UBA2: variants seen among roughly 807,000 people sequenced by gnomAD.
The protein encoded by UBA2 is ubiquitin like modifier activating enzyme 2, also known as SUMO-activating enzyme subunit 2.
A neutral mutation model predicts 77.2 loss-of-function variants in UBA2; 11 were observed. The observed-to-expected ratio is 0.14, with a 90% CI of 0.09 to 0.24. UBA2 has a LOEUF of 0.24. Among genes scored for constraint, UBA2 ranks in the 10% least tolerant of loss-of-function variants. The pLI, the probability that UBA2 is intolerant of heterozygous loss-of-function variation, is 1.00. For synonymous variants in UBA2, 278 were observed against 276.7 expected, an observed-to-expected ratio of 1.00 and a Z score of -0.05; for missense variants, 487 against 781.7, an observed-to-expected ratio of 0.62 and a Z score of 4.50.
intron 16 of UBA2, among the ~76,000 whole-genome samples, chr19:34,467,984 TTAAG>T (rs1475386501): frequency 6.6e-6 from 1 of 152,212 alleles, no homozygotes; most frequent in East Asian, 1.9e-4. Context: ...CAGGTGCTTG[TTAAG>T]TATGGAATTT....
intron 15 of UBA2, among the ~76,000 whole-genome samples, chr19:34,465,673 G>A (rs2075680234): frequency 1.3e-5 from 2 of 151,324 alleles, no homozygotes; most frequent in South Asian, 4.2e-4. Flanking sequence ...GACTGAATGT[G>A]AGTTATTAGT....
Position 34,434,968 on chromosome 19 carries a change from G to A in UBA2, c.459G>A (p.Lys153=). 6.3e-7 allele frequency: 1 copy of A among 1,588,452 alleles called. No individual in the cohort carries two copies. Among genetic ancestry groups the A allele is most frequent in the Non-Finnish European group, 8.6e-7 (1 of 1,167,972 alleles). Residue 153 remains lysine, a splice_region_variant and synonymous_variant, in exon 5 of 17, where the codon AAG becomes AAA. Transcript: ENST00000246548. ...GYLGQVTTIK[K]GVTECYECHP... ...TTGGACAAGTAACTACTATCAAAAAGGTAAAGAAAAGTTTTATTTTTTTAA... is the reference window on the plus strand; with the variant it reads ...TTGGACAAGTAACTACTATCAAAAAAGTAAAGAAAAGTTTTATTTTTTTAA...
At chr19:34,462,396 G>A (rs1437274602) in intron 14 of UBA2, among the ~76,000 whole-genome samples, 3 of 152,140 alleles carry the variant, frequency 2.0e-5, no homozygotes, top group Admixed American at 6.5e-5. Context: ...CACATTAACT[G>A]GTTTTCCTTT....
In UBA2 at chr19:34,450,421, T is replaced by C. The variant is rs186901749; in HGVS notation, c.871+57T>C. The C allele has an allele frequency of 1.5e-5, 18 of 1,226,446 alleles. No homozygotes were observed. The East Asian group carries it at 4.4e-4, about 30-fold the overall frequency. The allele number at this position is 1,226,446 out of a possible 1,614,324, so 76.0% of individuals were successfully genotyped here. On this transcript the variant is annotated intron_variant, in intron 9 of 16. Coordinates refer to ENST00000246548, the MANE Select transcript of UBA2 (RefSeq NM_005499.3). The stretch of plus-strand genomic sequence containing the variant: ...AAGCTGGAAATATCCTCGCGTAAAG[T>C]CTTTGTATAGCCCTGTTGTTGCTTG...
At chr19:34,430,358 G>C (rs2075238639) in intron 1 of UBA2, among the ~76,000 whole-genome samples, 1 of 152,118 alleles carries the variant, frequency 6.6e-6, no homozygotes, top group Admixed American at 6.6e-5. Context: ...TTCTTTCAAA[G>C]TATTTTTGAG....
In UBA2 at chr19:34,469,063, A is replaced by G. The variant is rs774257506; in HGVS notation, c.1765A>G (p.Ile589Val). ...AGCTCAAGAGCAAGATGACGTTCTC[A>G]TAGTTGATTCAGATGAAGAAGATTC... is the stretch of plus-strand genomic sequence containing the variant. ...STAQEQDDVL[I>V]VDSDEEDSSN... The change falls in exon 17 of 17, where the codon ATA (isoleucine) becomes GTA (valine). Residue 589 changes from isoleucine (I) to valine (V), a missense_variant. Transcript: ENST00000246548. 8 of 1,607,680 alleles carry G rather than the reference A, an allele frequency of 5.0e-6. No homozygotes were observed. In the Admixed American group the frequency reaches 1.2e-4, roughly 24 times the overall value.
chr19:34,456,100 CTTTTTCTTTTTTTT>C (rs976551199), intron 12 of UBA2, among the ~76,000 whole-genome samples: 1 of 55,782 alleles, frequency 1.8e-5, no homozygotes, highest in African/African-American at 7.2e-5. Flanking sequence ...TTTTCCTTTT[CTTTTTCTTTTTTTT>C]TTTTTTTTTT....
chr19:34,429,446 C>T (rs1468274041), intron 1 of UBA2, among the ~76,000 whole-genome samples: 2 of 152,138 alleles, frequency 1.3e-5, no homozygotes, highest in Non-Finnish European at 2.9e-5. Flanking sequence ...TTGTTTCTTT[C>T]CTTTATGTAT....
intron 4 of UBA2, 114 bp from the exon 5 acceptor site, chr19:34,434,754 A>ATTAT (rs2075291109): frequency 5.2e-6 from 4 of 765,546 alleles, no homozygotes; most frequent in Admixed American, 2.5e-5. Context: ...CATAGCTATA[A>ATTAT]GAAAATTGTA....
At chr19:34,451,127 G>A (rs1197135077) in intron 9 of UBA2, among the ~76,000 whole-genome samples, 1 of 152,038 alleles carries the variant, frequency 6.6e-6, no homozygotes, top group African/African-American at 2.4e-5. Context: ...TCAGTCTCCT[G>A]AGTAGCTGGG....
intron 14 of UBA2, among the ~76,000 whole-genome samples, 188 bp from the exon 15 acceptor site, chr19:34,463,838 A>G (rs1212809425): frequency 6.6e-6 from 1 of 152,144 alleles, no homozygotes; most frequent in Non-Finnish European, 1.5e-5. Flanking sequence ...AAATTTAATC[A>G]TTCCTTTAAA....
Position 34,434,762 on chromosome 19 carries a change from G to A in UBA2, c.359-106G>A, listed in dbSNP as rs1458281527. ...TTCTGGCCATAGCTATAAGAAAATT[G>A]TACAAAAAATGAAGCCAGTAAGATA... On this transcript the variant is annotated intron_variant, in intron 4 of 16. Coordinates refer to ENST00000246548, the MANE Select transcript of UBA2 (RefSeq NM_005499.3). The A allele has an allele frequency of 1.5e-5, 12 of 813,748 alleles. 1 individual carries two copies. In the East Asian group the frequency reaches 1.7e-4, roughly 11 times the overall value. The allele number at this position is 813,748 out of a possible 1,614,324, so 50.4% of individuals were successfully genotyped here.
chr19:34,458,744 T>C, intron 12 of UBA2, 25 bp from the exon 13 acceptor site: 3 of 1,598,110 alleles, frequency 1.9e-6, no homozygotes, highest in Non-Finnish European at 2.6e-6. Flanking sequence ...GTTTCCGATT[T>C]CTGCCTGTTA....
At chr19:34,444,030 TG>T in intron 7 of UBA2, 119 bp downstream of exon 7, 6 of 362,008 alleles carry the variant, frequency 1.7e-5, no homozygotes, top group African/African-American at 2.2e-5. Context: ...GTGTTTAACA[TG>T]TGTTTTTTTT....
intron 16 of UBA2, 116 bp from the exon 17 acceptor site, chr19:34,468,924 A>T: frequency 2.7e-6 from 2 of 749,400 alleles, no homozygotes; most frequent in African/African-American, 1.8e-5. Flanking sequence ...AAATGCAGCC[A>T]TTCTTAAGTC....
In UBA2 at chr19:34,428,427, C is replaced by T. The variant is rs769560340; in HGVS notation, c.-6C>T. Reference sequence around the variant, plus strand: ...CGCCTCCGCCGCGGCTCGTGGTTGTCCCGCCATGGCACTGTCGCGGGGGCT... The same window carrying T: ...CGCCTCCGCCGCGGCTCGTGGTTGTTCCGCCATGGCACTGTCGCGGGGGCT... On this transcript the variant is annotated 5_prime_UTR_variant, in exon 1 of 17. Coordinates refer to ENST00000246548, the MANE Select transcript of UBA2 (RefSeq NM_005499.3). 2.4e-6 allele frequency: 3 copies of T among 1,260,418 alleles called. No individual in the cohort carries two copies. Among genetic ancestry groups the T allele is most frequent in the Non-Finnish European group, 3.0e-6 (3 of 1,001,108 alleles). 78.1% of individuals were successfully genotyped at this position (1,260,418 alleles called of 1,614,324 possible).
chr19:34,429,142 G>A lies in UBA2; in HGVS notation c.138+572G>A, dbSNP rs186893819. The A allele has an allele frequency of 5.1e-6, 5 of 984,016 alleles. No individual in the cohort carries two copies. In the East Asian group the frequency reaches 5.7e-4, roughly 112 times the overall value. The allele number at this position is 984,016 out of a possible 1,614,324, so 61.0% of individuals were successfully genotyped here. On this transcript the variant is annotated intron_variant, in intron 1 of 16. Transcript: ENST00000246548. ...GATGAGGAAAGGGAGACGCAATGGG[G>A]TTGAGTAACTTACCCTGGGTCACGG...
chr19:34,431,746 G>A (rs1184692730), intron 2 of UBA2, 115 bp from the exon 3 acceptor site: 5 of 835,956 alleles, frequency 6.0e-6, no homozygotes, highest in Non-Finnish European at 9.8e-6. Context: ...GACTTCTTTG[G>A]TGTTTAATAT....
chr19:34,465,746 A>G (rs1212014646), intron 15 of UBA2, among the ~76,000 whole-genome samples: 1 of 152,140 alleles, frequency 6.6e-6, no homozygotes, highest in African/African-American at 2.4e-5. Flanking sequence ...TGGACACTAG[A>G]TATAAGTGGC....
Sources: gnomAD v4.1 joint callset for allele counts (sites outside exome capture counted in the v4.1 genomes callset) on GRCh38, gnomAD v4.1.1 for gene constraint, MANE v1.5 for transcripts, NCBI Gene and HGNC (gene_info 2026-07-23, HGNC 2026-07-21) for gene names.